EMILIN2: variants seen among roughly 807,000 people sequenced by gnomAD.
EMILIN2 encodes EMILIN-2.
In EMILIN2, 71 loss-of-function variants were observed where a neutral mutation model predicts 87.1. The ratio of observed to expected loss-of-function variants is 0.82; its 90% CI spans 0.67 to 0.99. The LOEUF (loss-of-function observed/expected upper bound fraction) is 0.99. Ranked by LOEUF, EMILIN2 falls within the 50% of genes least tolerant of loss-of-function variation. The probability of loss-of-function intolerance (pLI) is 0.00; values close to 1 mark genes in which losing one functional copy is unlikely to be tolerated. For missense variants in EMILIN2, 1,407 were observed against 1,371.8 expected (o/e 1.03, Z -0.40); for synonymous variants, 581 against 563.4 (o/e 1.03, Z -0.44).
chr18:2,890,616 A>G lies in EMILIN2; in HGVS notation c.489A>G (p.Thr163=), dbSNP rs751261488. Residue 163 remains threonine, a synonymous_variant, in exon 4 of 8, where the codon ACA becomes ACG. Transcript: ENST00000254528. The surrounding 1 kb of genome is among the most constrained non-coding windows in gnomAD (Gnocchi z 4.7). ...EPRKTLSPTG[T]AQPSWGVDPK... is the part of the protein sequence containing the mutation. ...GGAAGACTTTGTCCCCAACTGGTAC[A>G]GCACAACCAAGCTGGGGGGTAGATC... is the stretch of plus-strand genomic sequence containing the variant. 5 of 1,611,634 alleles carry G rather than the reference A, an allele frequency of 3.1e-6. No individual in the cohort carries two copies. Among genetic ancestry groups the G allele is most frequent in the South Asian group, 1.1e-5 (1 of 91,034 alleles).
intron 2 of EMILIN2, among the ~76,000 whole-genome samples, chr18:2,862,102 G>A (rs1343010682): frequency 6.6e-6 from 1 of 152,246 alleles, no homozygotes; most frequent in African/African-American, 2.4e-5. Flanking sequence ...AGACTTTGCT[G>A]AAGTTGCCTA....
intron 4 of EMILIN2, among the ~76,000 whole-genome samples, chr18:2,895,926 G>C (rs1048761564): frequency 1.3e-5 from 2 of 152,218 alleles, no homozygotes; most frequent in African/African-American, 2.4e-5. Context: ...TTTTGGACCA[G>C]TAAGCAGATC....
At position 2,865,490 on chromosome 18, in the gene EMILIN2, G is replaced by T. The variant is rs1296925607; in HGVS notation, c.257+17559G>T. 3.9e-5 allele frequency among the ~76,000 whole-genome samples: 6 copies of T among 152,348 alleles called. No individual in the cohort carries two copies. In the East Asian group the frequency reaches 5.8e-4, roughly 15 times the overall value. On this transcript the variant is annotated intron_variant, in intron 2 of 7. Transcript: ENST00000254528. ...TGGAGGTCCACTCCAGACCCTGTTT[G>T]CCTGGGTATCAGCAGCGGAGGCTGC...
At chr18:2,904,408 T>G (rs1420091098) in intron 4 of EMILIN2, among the ~76,000 whole-genome samples, 1 of 152,220 alleles carries the variant, frequency 6.6e-6, no homozygotes, top group Non-Finnish European at 1.5e-5. Context: ...TTTTTCTGAT[T>G]TCTTTTTTTC....
intron 2 of EMILIN2, among the ~76,000 whole-genome samples, chr18:2,878,421 T>G (rs113211233): frequency 0.017 from 2,607 of 149,924 alleles, 85 homozygotes; most frequent in African/African-American, 0.061. Context: ...ACCCTGGAGG[T>G]GGAGGTTGCA....
rs550784094 is a variant in EMILIN2, at chr18:2,895,790, A to G, written c.2359+3304A>G. ...TGGAGTGGCATCACTGCCACATTCT[A>G]TTGTCAAAGCAGGTCTGCTCTTGAA... On this transcript the variant is annotated intron_variant, in intron 4 of 7. Coordinates refer to ENST00000254528, the MANE Select transcript of EMILIN2 (RefSeq NM_032048.3). Among the ~76,000 whole-genome samples, 5 of 152,316 alleles carry G rather than the reference A, an allele frequency of 3.3e-5. No individual in the cohort carries two copies. The East Asian group carries it at 9.6e-4, about 29-fold the overall frequency.
chr18:2,889,137 T>C (rs199536466), intron 3 of EMILIN2, among the ~76,000 whole-genome samples: 3 of 121,916 alleles, frequency 2.5e-5, no homozygotes, highest in Non-Finnish European at 5.0e-5. Context: ...TCTTTTCTTT[T>C]TTTTTTTTTT....
At chr18:2,853,382 G>A (rs954002520) in intron 2 of EMILIN2, among the ~76,000 whole-genome samples, 3 of 152,164 alleles carry the variant, frequency 2.0e-5, no homozygotes, top group East Asian at 1.9e-4. Context: ...TGGACTCTCC[G>A]GAGCTGCTGT....
chr18:2,875,076 G>A (rs905639768), intron 2 of EMILIN2, among the ~76,000 whole-genome samples: 1 of 152,210 alleles, frequency 6.6e-6, no homozygotes, highest in Admixed American at 6.5e-5. Context: ...GAAAGCACAG[G>A]GTGACCAAAG....
At position 2,889,295 on chromosome 18, in the gene EMILIN2, A is replaced by G. The variant is rs546792761; in HGVS notation, c.434-1266A>G. 1.3e-3 allele frequency among the ~76,000 whole-genome samples: 195 copies of G among 149,760 alleles called. 1 individual carries two copies. The highest frequency in any genetic ancestry group is 6.9e-3 in the Middle Eastern group (2 of 288). Reference sequence around the variant, plus strand: ...TGGGATTACAGGCACCAGCCACCACACCTGGCTGATTTTTGTATTTTTAGT... The same window carrying G: ...TGGGATTACAGGCACCAGCCACCACGCCTGGCTGATTTTTGTATTTTTAGT... On this transcript the variant is annotated intron_variant, in intron 3 of 7. Coordinates refer to ENST00000254528, the MANE Select transcript of EMILIN2 (RefSeq NM_032048.3).
Position 2,890,533 on chromosome 18 carries a change from T to C in EMILIN2, c.434-28T>C. ...TCTGGCTAAAGGTAGAAAATGTTCATTCATGTCCAACTTTATCTTTGTAAC... is the reference window on the plus strand; with the variant it reads ...TCTGGCTAAAGGTAGAAAATGTTCACTCATGTCCAACTTTATCTTTGTAAC... On this transcript the variant is annotated intron_variant, in intron 3 of 7. Transcript: ENST00000254528. This position sits in a 1 kb window ranked among gnomAD's most constrained non-coding sequence, Gnocchi z 4.7. 1.3e-6 allele frequency: 2 copies of C among 1,524,100 alleles called. No homozygotes were observed. Among genetic ancestry groups the C allele is most frequent in the Non-Finnish European group, 1.8e-6 (2 of 1,135,866 alleles). 94.4% of individuals were successfully genotyped at this position (1,524,100 alleles called of 1,614,324 possible).
chr18:2,885,263 CCTGCAGTAGCCA>C, intron 3 of EMILIN2, 124 bp downstream of exon 3: 1 of 997,744 alleles, frequency 1.0e-6, no homozygotes, highest in Non-Finnish European at 1.4e-6. Flanking sequence ...CACATAGATA[CCTGCAGTAGCCA>C]CATGTGACAA....
At chr18:2,874,094 T>G (rs2076735753) in intron 2 of EMILIN2, among the ~76,000 whole-genome samples, 1 of 136,858 alleles carries the variant, frequency 7.3e-6, no homozygotes, top group South Asian at 2.6e-4. Context: ...CCCTGATTTG[T>G]CCTGGAGAAA....
intron 2 of EMILIN2, among the ~76,000 whole-genome samples, chr18:2,854,412 G>A (rs1331910209): frequency 6.6e-6 from 1 of 152,040 alleles, no homozygotes; most frequent in Non-Finnish European, 1.5e-5. Flanking sequence ...AGGTTCCGAG[G>A]GGAGCAGATG....
chr18:2,888,636 A>G (rs751705526), intron 3 of EMILIN2, among the ~76,000 whole-genome samples: 5 of 150,684 alleles, frequency 3.3e-5, no homozygotes, highest in Non-Finnish European at 5.9e-5. Flanking sequence ...AATGGCGTGA[A>G]CCCAAGAGGC....
intron 2 of EMILIN2, among the ~76,000 whole-genome samples, chr18:2,870,228 C>G (rs976449439): frequency 6.6e-6 from 1 of 152,120 alleles, no homozygotes; most frequent in African/African-American, 2.4e-5. Context: ...GTGACAGACC[C>G]TGTCTCAAAA....
chr18:2,909,828 T>C lies in EMILIN2; in HGVS notation c.2824+9T>C. On this transcript the variant is annotated intron_variant, in intron 7 of 7. Transcript: ENST00000254528. ...TTACAACCCCAGCACCGGTGAGTGT[T>C]TGAACGGAACTGGTACTGTGTCCTC... is the stretch of plus-strand genomic sequence containing the variant. 1 of 1,612,884 alleles carries C rather than the reference T, an allele frequency of 6.2e-7. No individual in the cohort carries two copies. The highest frequency in any genetic ancestry group is 8.5e-7 in the Non-Finnish European group (1 of 1,179,474).
intron 7 of EMILIN2, among the ~76,000 whole-genome samples, chr18:2,910,194 G>A (rs552591841): frequency 7.9e-5 from 12 of 151,938 alleles, no homozygotes; most frequent in East Asian, 1.9e-4. Flanking sequence ...CTCAGGCTCC[G>A]ACAGTCATCC....
At position 2,847,848 on chromosome 18, in the gene EMILIN2, C is replaced by A; in HGVS notation, c.174C>A (p.Cys58Ter). The A allele has an allele frequency of 6.2e-7, 1 of 1,613,678 alleles. No individual in the cohort carries two copies. The highest frequency in any genetic ancestry group is 1.1e-5 in the South Asian group (1 of 91,084). Reference sequence around the variant, plus strand: ...ACATCGTGAACAAGAATGTGAGCTGCTCCGTGCTGGAGGGAAGTGAGAGTT... The same window carrying A: ...ACATCGTGAACAAGAATGTGAGCTGATCCGTGCTGGAGGGAAGTGAGAGTT... ...CAYIVNKNVS[C>*]SVLEGSESFI... Residue 58 changes from cysteine (C) to a stop codon, truncating the protein, a stop_gained, in exon 2 of 8, where the codon TGC (cysteine) becomes TGA (stop). Coordinates refer to ENST00000254528, the MANE Select transcript of EMILIN2 (RefSeq NM_032048.3). LOFTEE classifies it high-confidence loss of function. The surrounding 1 kb of genome is among the most constrained non-coding windows in gnomAD (Gnocchi z 4.5).
Sources: gnomAD v4.1 joint callset for allele counts (sites outside exome capture counted in the v4.1 genomes callset) on GRCh38, gnomAD v4.1.1 for gene constraint, Gnocchi (gnomAD v3.1) non-coding constraint, MANE v1.5 for transcripts, NCBI Gene and HGNC (gene_info 2026-07-23, HGNC 2026-07-21) for gene names.